Variants in UPF3A observed in about 807,000 individuals in gnomAD.
The protein encoded by UPF3A is regulator of nonsense transcripts 3A.
Under a neutral mutation model 53.5 loss-of-function variants are expected in UPF3A, and 42 were observed. The ratio of observed to expected loss-of-function variants is 0.78; its 90% CI spans 0.61 to 1.01. The LOEUF (loss-of-function observed/expected upper bound fraction) is 1.01, where lower values mean the gene tolerates loss of function less well. Ranked by LOEUF, UPF3A falls within the 50% of genes least tolerant of loss-of-function variation. The pLI, the probability that UPF3A is intolerant of heterozygous loss-of-function variation, is 0.00. For missense variants in UPF3A, 575 were observed against 598.0 expected, an observed-to-expected ratio of 0.96 and a Z score of 0.40; for synonymous variants, 237 against 225.3, an observed-to-expected ratio of 1.05 and a Z score of -0.47.
chr13:114,286,821 G>A (rs1035905590), intron 5 of UPF3A, 192 bp downstream of exon 5: 4 of 591,938 alleles, frequency 6.8e-6, no homozygotes, highest in Non-Finnish European at 1.2e-5. Context: ...CTGAGCGTTG[G>A]TTGATGGAGA....
At position 114,291,781 on chromosome 13, in the gene UPF3A, G is replaced by A; in HGVS notation, c.835G>A (p.Val279Ile). 1 of 1,590,038 alleles carries A rather than the reference G, an allele frequency of 6.3e-7. No homozygotes were observed. The highest frequency in any genetic ancestry group is 8.5e-7 in the Non-Finnish European group (1 of 1,169,948). Reference sequence around the variant, plus strand: ...ACAGAAGAAAATTGCAGAGAAAGAAGTAAGGATTAAGGTAATTCTGAGGAA... The same window carrying A: ...ACAGAAGAAAATTGCAGAGAAAGAAATAAGGATTAAGGTAATTCTGAGGAA... ...DKQKKIAEKE[V>I]RIKLLKKPEK... is the part of the protein sequence containing the mutation. The change falls in exon 7 of 10, where the codon GTA (valine) becomes ATA (isoleucine). Residue 279 changes from valine to isoleucine, a missense_variant. Physicochemically the swap from Val to Ile is conservative, Grantham distance 29. Around this residue, in one of 2 missense-constraint regions of UPF3A, gnomAD observed 323 missense variants for 415.2 expected, o/e 0.78. Transcript: ENST00000375299.
chr13:114,291,863 T>G, intron 7 of UPF3A, 71 bp downstream of exon 7: 6 of 1,472,548 alleles, frequency 4.1e-6, no homozygotes, highest in Non-Finnish European at 5.5e-6. Flanking sequence ...TTACATATCT[T>G]AGTTCTTTAG....
intron 5 of UPF3A, among the ~76,000 whole-genome samples, chr13:114,289,696 A>G (rs1008882084): frequency 3.3e-5 from 5 of 152,128 alleles, no homozygotes; most frequent in African/African-American, 9.7e-5. Flanking sequence ...AGTCTGGTGC[A>G]TCGGCCTTTA....
chr13:114,288,355 ATAG>A (rs2084931828), intron 5 of UPF3A, among the ~76,000 whole-genome samples: 1 of 152,012 alleles, frequency 6.6e-6, no homozygotes, highest in South Asian at 2.1e-4. Flanking sequence ...TCCCTCCAAG[ATAG>A]TGGTGGAGCT....
At chr13:114,282,243 C>G (rs1442850927) in intron 2 of UPF3A, 116 bp downstream of exon 2, 2 of 927,508 alleles carry the variant, frequency 2.2e-6, no homozygotes, top group Admixed American at 3.0e-5. Flanking sequence ...GTCGTGTGAG[C>G]TTTTTGAATA....
intron 9 of UPF3A, 85 bp downstream of exon 9, chr13:114,302,110 T>C (rs1351657334): frequency 7.4e-7 from 1 of 1,347,062 alleles, no homozygotes; most frequent in South Asian, 2.1e-5. Flanking sequence ...CCACTTGGCC[T>C]TGTGTCTTGG....
In UPF3A at chr13:114,282,277, C is replaced by T. The variant is rs60439863; in HGVS notation, c.314+150C>T. On this transcript the variant is annotated intron_variant, in intron 2 of 9. Coordinates refer to ENST00000375299, the MANE Select transcript of UPF3A (RefSeq NM_023011.4). ...TAAATACATTTCAGTAAAACGTGTC[C>T]GTTCCGTCAAAGAAAAATACCACCA... is the stretch of plus-strand genomic sequence containing the variant. 773 of 815,430 alleles carry T rather than the reference C, an allele frequency of 9.5e-4. 9 individuals are homozygous for T. In the African/African-American group the frequency reaches 0.012, roughly 13 times the overall value. 50.5% of individuals were successfully genotyped at this position (815,430 alleles called of 1,614,324 possible).
At chr13:114,286,044 GTTC>G (rs1555368762) in intron 3 of UPF3A, 5 of 445,886 alleles carry the variant, frequency 1.1e-5, no homozygotes, top group Non-Finnish European at 2.0e-5. Flanking sequence ...TTTAGTAAAT[GTTC>G]TTCTTACCAG....
In UPF3A at chr13:114,295,608, C is replaced by CT. The variant is rs568519538; in HGVS notation, c.847-3229dup. On this transcript the variant is annotated intron_variant, in intron 7 of 9. Coordinates refer to ENST00000375299, the MANE Select transcript of UPF3A (RefSeq NM_023011.4). Reference sequence around the variant, plus strand: ...CCCTCCTCTTCCTGCGTCTCTGATGCTTTACTCTCCCTTCATGTCTGTTCG... The same window carrying CT: ...CCCTCCTCTTCCTGCGTCTCTGATGCTTTTACTCTCCCTTCATGTCTGTTCG... Among the ~76,000 whole-genome samples, 5 of 152,374 alleles carry CT rather than the reference C, an allele frequency of 3.3e-5. No individual in the cohort carries two copies. In the South Asian group the frequency reaches 8.3e-4, roughly 25 times the overall value.
Position 114,286,365 on chromosome 13 carries a change from G to C in UPF3A, c.485G>C (p.Arg162Thr). 6.2e-7 allele frequency: 1 copy of C among 1,614,110 alleles called. No homozygotes were observed. The highest frequency in any genetic ancestry group is 8.5e-7 in the Non-Finnish European group (1 of 1,180,010). ...CAGAAGATAGCCAAAAAGAAGCTGA[G>C]AAAAAAAGATGCCAAGACTGGAAGC... The part of the protein sequence containing the change: ...PFQKIAKKKL[R>T]KKDAKTGSIE... The change falls in exon 4 of 10, where the codon AGA becomes ACA. Residue 162 changes from arginine (R) to threonine (T), a missense_variant. By Grantham distance (71) the Arg-to-Thr change is moderately conservative (BLOSUM62 -1). Coordinates refer to ENST00000375299, the MANE Select transcript of UPF3A (RefSeq NM_023011.4).
At chr13:114,283,747 G>C (rs1180552821) in intron 3 of UPF3A, 2 of 985,320 alleles carry the variant, frequency 2.0e-6, no homozygotes, top group African/African-American at 3.5e-5. Flanking sequence ...AGTACTTCTA[G>C]GGTTCTGCTT....
In UPF3A at chr13:114,281,635, G is replaced by T; in HGVS notation, c.-5G>T. On this transcript the variant is annotated 5_prime_UTR_variant, in exon 1 of 10. Coordinates refer to ENST00000375299, the MANE Select transcript of UPF3A (RefSeq NM_023011.4). ...TGGCGGCTGCGGCTCGGCGGAGAGTGCGGCATGCGCTCGGAAAAGGAGGGG... is the reference window on the plus strand; with the variant it reads ...TGGCGGCTGCGGCTCGGCGGAGAGTTCGGCATGCGCTCGGAAAAGGAGGGG... The T allele has an allele frequency of 6.8e-7, 1 of 1,460,992 alleles. No homozygotes were observed. The highest frequency in any genetic ancestry group is 2.3e-5 in the Admixed American group (1 of 42,984). 90.5% of individuals were successfully genotyped at this position (1,460,992 alleles called of 1,614,324 possible).
Position 114,282,876 on chromosome 13 carries a change from T to C in UPF3A, c.354T>C (p.Phe118=). 1 of 1,612,108 alleles carries C rather than the reference T, an allele frequency of 6.2e-7. No homozygotes were observed. The highest frequency in any genetic ancestry group is 1.7e-4 in the Middle Eastern group (1 of 6,058). ...TCTACTCAAGAGCATACATTAATTT[T>C]AGGAATCCTGATGACATCCTTCTTT... is the stretch of plus-strand genomic sequence containing the variant. ...PHLYSRAYIN[F]RNPDDILLFR... The change falls in exon 3 of 10, where the codon TTT becomes TTC. Residue 118 remains phenylalanine (F), a synonymous_variant. Transcript: ENST00000375299.
At chr13:114,298,789 T>C in intron 7 of UPF3A, 51 bp from the exon 8 acceptor site, 1 of 1,397,274 alleles carries the variant, frequency 7.2e-7, no homozygotes, top group Non-Finnish European at 9.4e-7. Flanking sequence ...TAACAGCTTC[T>C]TTTAAAATAT....
At chr13:114,289,443 G>C (rs541906533) in intron 5 of UPF3A, among the ~76,000 whole-genome samples, 1 of 149,724 alleles carries the variant, frequency 6.7e-6, no homozygotes, top group African/African-American at 2.5e-5. Context: ...AGAATCGCTT[G>C]AACTCGGCAG....
intron 5 of UPF3A, among the ~76,000 whole-genome samples, chr13:114,287,801 T>G (rs1427765741): frequency 6.6e-6 from 1 of 152,182 alleles, no homozygotes; most frequent in African/African-American, 2.4e-5. Flanking sequence ...CCGTTCACTT[T>G]CTTCATTTAT....
intron 7 of UPF3A, among the ~76,000 whole-genome samples, chr13:114,293,220 C>A (rs1458399769): frequency 6.6e-6 from 1 of 150,570 alleles, no homozygotes; most frequent in Non-Finnish European, 1.5e-5. Flanking sequence ...CCCATCTCTA[C>A]TAAAAACACA....
intron 7 of UPF3A, among the ~76,000 whole-genome samples, 168 bp from the exon 8 acceptor site, chr13:114,298,672 T>A (rs1008573693): frequency 5.3e-5 from 8 of 152,254 alleles, no homozygotes; most frequent in Non-Finnish European, 1.0e-4. Flanking sequence ...TCACTGAATG[T>A]TCCACCACGT....
At chr13:114,296,485 A>G (rs2086039961) in intron 7 of UPF3A, among the ~76,000 whole-genome samples, 1 of 152,188 alleles carries the variant, frequency 6.6e-6, no homozygotes, top group African/African-American at 2.4e-5. Context: ...ACCATACCCC[A>G]TACCCACCTT....
Sources: gnomAD v4.1 joint callset for allele counts (sites outside exome capture counted in the v4.1 genomes callset) on GRCh38, gnomAD v4.1.1 for gene constraint, gnomAD v4.1.1 regional missense constraint, MANE v1.5 for transcripts, NCBI Gene and HGNC (gene_info 2026-07-23, HGNC 2026-07-21) for gene names.